The following PDXDC1 variants were observed in gnomAD, a reference collection of about 807,000 sequenced individuals.
PDXDC1 encodes the protein pyridoxal-dependent decarboxylase domain-containing protein 1.
A neutral mutation model predicts 100.1 loss-of-function variants in PDXDC1; 42 were observed. The ratio of observed to expected loss-of-function variants is 0.42; its 90% CI spans 0.33 to 0.54. The LOEUF is 0.54. Among genes scored for constraint, PDXDC1 ranks in the 20% least tolerant of loss-of-function variants. The pLI, the probability that PDXDC1 is intolerant of heterozygous loss-of-function variation, is 0.10. For synonymous variants in PDXDC1, 260 were observed against 371.7 expected (o/e 0.70, Z 3.46); for missense variants, 636 against 979.2 (o/e 0.65, Z 4.68).
chr16:15,007,148 A>G (rs1465410312), intron 6 of PDXDC1, among the ~76,000 whole-genome samples: 1 of 150,854 alleles, frequency 6.6e-6, no homozygotes, highest in Non-Finnish European at 1.5e-5. Context: ...GCTGGATCAA[A>G]GAGCATGACT....
At chr16:15,030,566 A>G (rs1381978396) in intron 16 of PDXDC1, among the ~76,000 whole-genome samples, 3 of 149,970 alleles carry the variant, frequency 2.0e-5, no homozygotes, top group South Asian at 2.1e-4. Flanking sequence ...AAAAAAAAAA[A>G]AAAGTCATCA....
intron 16 of PDXDC1, chr16:15,061,592 C>A: frequency 1.7e-6 from 1 of 591,288 alleles, no homozygotes. Context: ...TCTTCAGATG[C>A]TTGATTCAGT....
Position 15,036,574 on chromosome 16 carries a change from G to C in PDXDC1, c.*299G>C, listed in dbSNP as rs913377742. Reference sequence around the variant, plus strand: ...TCAAGTGTCTACCAGTAGCACCCTTGCTCTTTCTAAACATAAGCCTAAGTA... The same window carrying C: ...TCAAGTGTCTACCAGTAGCACCCTTCCTCTTTCTAAACATAAGCCTAAGTA... On this transcript the variant is annotated 3_prime_UTR_variant, in exon 23 of 23. Transcript: ENST00000396410. The C allele has an allele frequency of 4.7e-6, 2 of 426,912 alleles. No homozygotes were observed. Among genetic ancestry groups the C allele is most frequent in the African/African-American group, 4.0e-5 (2 of 50,516 alleles). The allele number at this position is 426,912 out of a possible 1,614,324, so 26.4% of individuals were successfully genotyped here.
chr16:15,133,881 T>TTGGGGGA, intron 16 of PDXDC1: 1 of 1,518,166 alleles, frequency 6.6e-7, no homozygotes, highest in Non-Finnish European at 8.9e-7. Flanking sequence ...CGGCGGGCGG[T>TTGGGGGA]TGGGGGACAG....
chr16:15,125,550 C>T, intron 16 of PDXDC1: 2 of 1,581,730 alleles, frequency 1.3e-6, no homozygotes, highest in Non-Finnish European at 1.7e-6. Context: ...GGGGAACCCA[C>T]CTCTTAGAAT....
At chr16:15,032,682 A>C in intron 17 of PDXDC1, 179 bp from the exon 18 acceptor site, 1 of 525,858 alleles carries the variant, frequency 1.9e-6, no homozygotes, top group Non-Finnish European at 3.4e-6. Context: ...CTTTCCTGTG[A>C]CTTTCTCTTT....
chr16:15,137,334 A>T, intron 16 of PDXDC1: 1 of 1,443,390 alleles, frequency 6.9e-7, no homozygotes, highest in Non-Finnish European at 9.4e-7. Context: ...GAGCAGAGGG[A>T]CAGGCAGGCG....
chr16:15,075,724 A>C (rs912508966), intron 16 of PDXDC1, among the ~76,000 whole-genome samples: 1 of 152,194 alleles, frequency 6.6e-6, no homozygotes, highest in African/African-American at 2.4e-5. Context: ...AGAAGACCCA[A>C]TGAGACCTAT....
intron 16 of PDXDC1, among the ~76,000 whole-genome samples, chr16:15,097,642 CAAA>C (rs139975371): frequency 2.6e-5 from 3 of 115,766 alleles, no homozygotes; most frequent in African/African-American, 3.2e-5. Context: ...ACTCCGTCTC[CAAA>C]AAAAAAAAAA....
rs1272687628 is a variant in PDXDC1 at position 15,035,614 on chromosome 16, G to A, written c.2107+61G>A. Reference sequence around the variant, plus strand: ...GTTTCCCCTGTTGACTGTTACTTGCGTTTGTTTTCTGGGTTCTTGAACTCC... The same window carrying A: ...GTTTCCCCTGTTGACTGTTACTTGCATTTGTTTTCTGGGTTCTTGAACTCC... On this transcript the variant is annotated intron_variant, in intron 22 of 22. Coordinates refer to ENST00000396410, the MANE Select transcript of PDXDC1 (RefSeq NM_015027.4). 8.2e-6 allele frequency: 8 copies of A among 970,982 alleles called. No homozygotes were observed. In the East Asian group the frequency reaches 1.3e-4, roughly 16 times the overall value. The allele number at this position is 970,982 out of a possible 1,614,324, so 60.1% of individuals were successfully genotyped here. A position where few individuals can be genotyped will look rare whatever the true frequency, so the allele number is the denominator to read the frequency against.
At chr16:15,142,595 T>G (rs2048492074), downstream of PDXDC1, among the ~76,000 whole-genome samples, 1 of 152,072 alleles carries the variant, frequency 6.6e-6, no homozygotes, top group Admixed American at 6.5e-5. Context: ...GACTCAGGTG[T>G]GGGCTTCAGG....
intron 16 of PDXDC1, among the ~76,000 whole-genome samples, chr16:15,082,541 C>T (rs943116278): frequency 6.6e-6 from 1 of 151,774 alleles, no homozygotes; most frequent in African/African-American, 2.4e-5. Flanking sequence ...GGTGTGGTGC[C>T]CCATGTCTAT....
At chr16:15,104,701 G>A (rs750713839) in intron 16 of PDXDC1, 25 of 1,597,456 alleles carry the variant, frequency 1.6e-5, no homozygotes, top group Non-Finnish European at 2.0e-5. Context: ...TCAGCTGTGA[G>A]GTAGGGCCAG....
rs577608713 is a variant in PDXDC1 at position 15,055,387 on chromosome 16, G to C, written c.1399+25331G>C. Among the ~76,000 whole-genome samples the C allele has an allele frequency of 1.4e-3, 209 of 152,350 alleles. 1 individual carries two copies. The highest frequency in any genetic ancestry group is 4.9e-3 in the African/African-American group (203 of 41,596). On this transcript the variant is annotated intron_variant, in intron 16 of 16. Transcript: ENST00000535621. ...TCGGCGCCCTACGCCCCGGGGGTAGGGGAGAGAGAGGAGGAAGGACTGGGG... is the reference window on the plus strand; with the variant it reads ...TCGGCGCCCTACGCCCCGGGGGTAGCGGAGAGAGAGGAGGAAGGACTGGGG...
intron 13 of PDXDC1, chr16:15,025,984 A>G (rs2042567456): frequency 6.6e-6 from 1 of 152,378 alleles, no homozygotes; most frequent in South Asian, 2.1e-4. Flanking sequence ...AATATATTAG[A>G]AAATACACAG....
At chr16:15,004,406 C>T (rs1339510949) in intron 5 of PDXDC1, 73 bp downstream of exon 5, 2 of 1,574,906 alleles carry the variant, frequency 1.3e-6, no homozygotes, top group African/African-American at 1.4e-5. Flanking sequence ...TTTTCTGGAG[C>T]TGTACTACTT....
intron 16 of PDXDC1, chr16:15,131,138 T>C (rs1268999242): frequency 2.2e-5 from 36 of 1,602,192 alleles, no homozygotes; most frequent in Non-Finnish European, 3.0e-5. Flanking sequence ...GCAGGGTTGC[T>C]GCTGTCCAGG....
At chr16:15,000,141 A>G (rs1972831669) in intron 3 of PDXDC1, among the ~76,000 whole-genome samples, 1 of 152,294 alleles carries the variant, frequency 6.6e-6, no homozygotes, top group East Asian at 1.9e-4. Flanking sequence ...GATGGAAACC[A>G]AAGGTTTTAA....
intron 16 of PDXDC1, chr16:15,118,982 T>G: frequency 6.6e-7 from 1 of 1,514,784 alleles, no homozygotes; most frequent in Non-Finnish European, 9.0e-7. Context: ...AGAAACACAG[T>G]AATGATAAGT....
Sources: gnomAD v4.1 joint callset for allele counts (sites outside exome capture counted in the v4.1 genomes callset) on GRCh38, gnomAD v4.1.1 for gene constraint, MANE v1.5 for transcripts, NCBI Gene and HGNC (gene_info 2026-07-23, HGNC 2026-07-21) for gene names.